The following UBE2G2 variants were observed in gnomAD, a reference collection of about 807,000 sequenced individuals.
UBE2G2 encodes the protein ubiquitin-conjugating enzyme E2 G2.
In UBE2G2, 10 loss-of-function variants were observed where a neutral mutation model predicts 23.0. The ratio of observed to expected loss-of-function variants is 0.43; its 90% CI spans 0.27 to 0.74. UBE2G2 has a LOEUF of 0.74. Ranked by LOEUF, UBE2G2 falls within the 30% of genes least tolerant of loss-of-function variation. The probability of loss-of-function intolerance (pLI) is 0.19; values close to 1 mark genes in which losing one functional copy is unlikely to be tolerated. For missense variants in UBE2G2, 150 were observed against 218.3 expected, an observed-to-expected ratio of 0.69 and a Z score of 1.97; for synonymous variants, 86 against 81.3, an observed-to-expected ratio of 1.06 and a Z score of -0.31.
intron 1 of UBE2G2, among the ~76,000 whole-genome samples, chr21:44,797,741 A>AAAAAAAAAAT (rs869172926): frequency 9.3e-6 from 1 of 107,974 alleles, no homozygotes; most frequent in Non-Finnish European, 1.8e-5. Flanking sequence ...AAAAAAAAAA[A>AAAAAAAAAAT]GAGAAAATAC....
intron 3 of UBE2G2, among the ~76,000 whole-genome samples, chr21:44,778,144 C>T (rs2082927163): frequency 6.6e-6 from 1 of 152,204 alleles, no homozygotes; most frequent in Admixed American, 6.5e-5. Flanking sequence ...AGCAAGATTA[C>T]ATTGTATTTC....
chr21:44,788,908 A>G lies in UBE2G2; in HGVS notation c.44-813T>C, dbSNP rs537469746. Among the ~76,000 whole-genome samples the G allele has an allele frequency of 4.4e-4, 67 of 152,282 alleles. No homozygotes were observed. The Middle Eastern group carries it at 0.01, about 23-fold the overall frequency. The stretch of plus-strand genomic sequence containing the variant: ...AAATATAAGGTATAAGGACTGAAAA[A>G]GAAATAAAACTCATTATTCACAGAT... On this transcript the variant is annotated intron_variant, in intron 1 of 5. Coordinates refer to ENST00000345496, the MANE Select transcript of UBE2G2 (RefSeq NM_003343.6).
intron 3 of UBE2G2, chr21:44,785,801 G>A (rs531161585): frequency 3.3e-5 from 5 of 152,234 alleles, no homozygotes; most frequent in African/African-American, 7.2e-5. Flanking sequence ...TCTGGAACAG[G>A]ACCAAAACCC....
At chr21:44,790,734 CT>C (rs1448602152) in intron 1 of UBE2G2, among the ~76,000 whole-genome samples, 1 of 152,168 alleles carries the variant, frequency 6.6e-6, no homozygotes, top group Non-Finnish European at 1.5e-5. Flanking sequence ...AACCTCTTTC[CT>C]TTATAAATTA....
rs930185696 is a variant in UBE2G2 at position 44,771,682 on chromosome 21, C to G, written c.386-193G>C. ...CACGCAGGTCTCAACGAAAGCCACT[C>G]TCATGACTCCTGCGTTCTGAGTGTC... On this transcript the variant is annotated intron_variant, in intron 5 of 5. Transcript: ENST00000345496. This position sits in a 1 kb window ranked among gnomAD's most constrained non-coding sequence, Gnocchi z 4.6. 2.0e-5 allele frequency among the ~76,000 whole-genome samples: 3 copies of G among 152,178 alleles called. No individual in the cohort carries two copies. The highest frequency in any genetic ancestry group is 6.5e-5 in the Admixed American group (1 of 15,288).
intron 5 of UBE2G2, among the ~76,000 whole-genome samples, chr21:44,773,341 G>A (rs1170880134): frequency 1.3e-5 from 2 of 152,178 alleles, no homozygotes; most frequent in African/African-American, 4.8e-5. Context: ...AATTATGGCC[G>A]ACAATACAAT....
chr21:44,795,468 C>T (rs1335032894), intron 1 of UBE2G2, among the ~76,000 whole-genome samples: 1 of 151,774 alleles, frequency 6.6e-6, no homozygotes, highest in African/African-American at 2.4e-5. Flanking sequence ...CCTATCTCTA[C>T]TAAAAATACA....
In UBE2G2 at chr21:44,801,699, G is replaced by A; in HGVS notation, c.43+7C>T. The stretch of plus-strand genomic sequence containing the variant: ...ACGCTGCTGACGGCCCGGGTCCCCA[G>A]ACTCACGTTTGTACTCGGCCATCAG... On this transcript the variant is annotated splice_region_variant and intron_variant, in intron 1 of 5. Coordinates refer to ENST00000345496, the MANE Select transcript of UBE2G2 (RefSeq NM_003343.6). 5 of 1,515,400 alleles carry A rather than the reference G, an allele frequency of 3.3e-6. No individual in the cohort carries two copies. Among genetic ancestry groups the A allele is most frequent in the Non-Finnish European group, 4.4e-6 (5 of 1,133,696 alleles). 93.9% of individuals were successfully genotyped at this position (1,515,400 alleles called of 1,614,324 possible). A position where few individuals can be genotyped will look rare whatever the true frequency, so the allele number is the denominator to read the frequency against.
chr21:44,796,324 C>A (rs2083088623), intron 1 of UBE2G2, among the ~76,000 whole-genome samples: 1 of 152,150 alleles, frequency 6.6e-6, no homozygotes, highest in African/African-American at 2.4e-5. Context: ...AGAATCATAG[C>A]CAAGGTCCCA....
chr21:44,777,494 G>A, intron 3 of UBE2G2, 77 bp from the exon 4 acceptor site: 1 of 1,456,434 alleles, frequency 6.9e-7, no homozygotes, highest in Non-Finnish European at 9.6e-7. Flanking sequence ...AATGGGTTAA[G>A]AACATTTTTA....
Position 44,771,567 on chromosome 21 carries a change from A to G in UBE2G2, c.386-78T>C. ...GCCTGGCAAGGTCTCCCATTTATTT[A>G]AAACACTGGCGGGGGCTTTCAAGAG... On this transcript the variant is annotated intron_variant, in intron 5 of 5. Coordinates refer to ENST00000345496, the MANE Select transcript of UBE2G2 (RefSeq NM_003343.6). This position sits in a 1 kb window ranked among gnomAD's most constrained non-coding sequence, Gnocchi z 4.6. 1 of 1,439,304 alleles carries G rather than the reference A, an allele frequency of 6.9e-7. No homozygotes were observed. Among genetic ancestry groups the G allele is most frequent in the Non-Finnish European group, 9.7e-7 (1 of 1,035,892 alleles). 89.2% of individuals were successfully genotyped at this position (1,439,304 alleles called of 1,614,324 possible).
intron 3 of UBE2G2, among the ~76,000 whole-genome samples, chr21:44,781,050 G>T (rs1369098596): frequency 6.6e-6 from 1 of 152,232 alleles, no homozygotes; most frequent in African/African-American, 2.4e-5. Context: ...TGCTTTTGCT[G>T]CTGTTCTCTT....
At chr21:44,801,152 A>G (rs2083133415) in intron 1 of UBE2G2, 5 of 199,124 alleles carry the variant, frequency 2.5e-5, no homozygotes, top group Non-Finnish European at 4.5e-5. Context: ...CGCTCTCCTC[A>G]GACATTAGAA....
chr21:44,797,078 T>C (rs782701146), intron 1 of UBE2G2, among the ~76,000 whole-genome samples: 1 of 152,238 alleles, frequency 6.6e-6, no homozygotes, highest in Non-Finnish European at 1.5e-5. Context: ...ACCGAAGTAC[T>C]AGAAAGTGCT....
At position 44,801,803 on chromosome 21, in the gene UBE2G2, GC is replaced by G; in HGVS notation, c.-56del. On this transcript the variant is annotated 5_prime_UTR_variant, in exon 1 of 6. Transcript: ENST00000345496. ...CGCCTCAGCCGCGCGCGTGCCTCCT[GC>G]CCCGACACCGGGGACTGCTTCCGGG... 1 of 1,493,690 alleles carries G rather than the reference GC, an allele frequency of 6.7e-7. No individual in the cohort carries two copies. Among genetic ancestry groups the G allele is most frequent in the Non-Finnish European group, 8.9e-7 (1 of 1,126,284 alleles). 92.5% of individuals were successfully genotyped at this position (1,493,690 alleles called of 1,614,324 possible).
At position 44,772,553 on chromosome 21, in the gene UBE2G2, C is replaced by G. The variant is rs1555960052; in HGVS notation, c.385+994G>C. Among the ~76,000 whole-genome samples, 2 of 152,158 alleles carry G rather than the reference C, an allele frequency of 1.3e-5. No individual in the cohort carries two copies. Among genetic ancestry groups the G allele is most frequent in the African/African-American group, 4.8e-5 (2 of 41,410 alleles). ...CTATGCTGTCACCCTCCGTCCTACTCCATCACCTACTGCCTCATCCAGAAA... is the reference window on the plus strand; with the variant it reads ...CTATGCTGTCACCCTCCGTCCTACTGCATCACCTACTGCCTCATCCAGAAA... On this transcript the variant is annotated intron_variant, in intron 5 of 5. Coordinates refer to ENST00000345496, the MANE Select transcript of UBE2G2 (RefSeq NM_003343.6). This position sits in a 1 kb window ranked among gnomAD's most constrained non-coding sequence, Gnocchi z 5.4.
chr21:44,783,696 G>A (rs1385661862), intron 3 of UBE2G2, among the ~76,000 whole-genome samples: 1 of 152,230 alleles, frequency 6.6e-6, no homozygotes, highest in Non-Finnish European at 1.5e-5. Flanking sequence ...AGCAGGGATT[G>A]CCTGGGGGTT....
chr21:44,782,467 A>T (rs1266185769), intron 3 of UBE2G2, among the ~76,000 whole-genome samples: 1 of 152,224 alleles, frequency 6.6e-6, no homozygotes, highest in Non-Finnish European at 1.5e-5. Flanking sequence ...AATGTAATGG[A>T]AATGCAATGG....
chr21:44,771,054 C>A lies in UBE2G2; in HGVS notation c.*323G>T. On this transcript the variant is annotated 3_prime_UTR_variant, in exon 6 of 6. Coordinates refer to ENST00000345496, the MANE Select transcript of UBE2G2 (RefSeq NM_003343.6). The surrounding 1 kb of genome is among the most constrained non-coding windows in gnomAD (Gnocchi z 4.6). ...GGCAGGTACAACCCCCTCAACACTC[C>A]AGGGAGGGAGGGAATCCACAGGAAG... The A allele has an allele frequency of 3.7e-6, 1 of 273,636 alleles. No individual in the cohort carries two copies. Among genetic ancestry groups the A allele is most frequent in the Non-Finnish European group, 7.0e-6 (1 of 142,234 alleles). The allele number at this position is 273,636 out of a possible 1,614,324, so 17.0% of individuals were successfully genotyped here.
Sources: allele counts gnomAD v4.1 joint callset (sites outside exome capture counted in the v4.1 genomes callset), GRCh38; gene constraint gnomAD v4.1.1; non-coding constraint Gnocchi (gnomAD v3.1); transcripts MANE v1.5; gene names NCBI Gene and HGNC (gene_info 2026-07-23, HGNC 2026-07-21).